The following ADAMTSL1 variants were observed in gnomAD, a reference collection of about 807,000 sequenced individuals.
The protein encoded by ADAMTSL1 is ADAMTS-like protein 1.
A neutral mutation model predicts 201.8 loss-of-function variants in ADAMTSL1; 126 were observed. The ratio of observed to expected loss-of-function variants is 0.62; its 90% confidence interval spans 0.54 to 0.72. ADAMTSL1 has a LOEUF of 0.72. Ranked by LOEUF, ADAMTSL1 falls within the 30% of genes least tolerant of loss-of-function variation. The pLI is 0.00. For missense variants in ADAMTSL1, 2,679 were observed against 2,277.8 expected (o/e 1.18, Z -3.59); for synonymous variants, 1,121 against 903.4 (o/e 1.24, Z -4.32).
chr9:18,580,233 T>C (rs1403747109), intron 4 of ADAMTSL1, among the ~76,000 whole-genome samples: 1 of 152,198 alleles, frequency 6.6e-6, no homozygotes, highest in Admixed American at 6.5e-5. Context: ...ATAAAATGAA[T>C]CACAGAGTTT....
intron 2 of ADAMTSL1, among the ~76,000 whole-genome samples, chr9:18,302,207 G>A (rs1833733439): frequency 6.6e-6 from 1 of 152,066 alleles, no homozygotes; most frequent in Non-Finnish European, 1.5e-5. Context: ...AAGGAAGAGG[G>A]AACTCCCCCT....
chr9:18,615,056 G>GATT (rs1186502580), intron 4 of ADAMTSL1, among the ~76,000 whole-genome samples: 1 of 152,178 alleles, frequency 6.6e-6, no homozygotes, highest in Non-Finnish European at 1.5e-5. Context: ...ATAATGAGAT[G>GATT]ATTGGTGTTT....
intron 19 of ADAMTSL1, 118 bp downstream of exon 19, chr9:18,778,024 G>A (rs780005228): frequency 1.0e-5 from 14 of 1,337,800 alleles, no homozygotes; most frequent in African/African-American, 2.9e-5. Context: ...AGCTGGCCTC[G>A]GGGACCCCAT....
intron 14 of ADAMTSL1, among the ~76,000 whole-genome samples, chr9:18,714,332 A>C (rs1281967485): frequency 1.1e-4 from 16 of 152,084 alleles, no homozygotes; most frequent in African/African-American, 3.1e-4. Flanking sequence ...GAAAGGATCA[A>C]CAAAATTGAT....
intron 1 of ADAMTSL1, among the ~76,000 whole-genome samples, chr9:17,935,842 G>A (rs1180164962): frequency 2.0e-5 from 3 of 152,132 alleles, no homozygotes; most frequent in Non-Finnish European, 2.9e-5. Flanking sequence ...CGTCTCAGTA[G>A]AGCATGCAGG....
At chr9:18,009,903 AT>A (rs1433557541) in intron 1 of ADAMTSL1, among the ~76,000 whole-genome samples, 1 of 152,028 alleles carries the variant, frequency 6.6e-6, no homozygotes, top group Non-Finnish European at 1.5e-5. Flanking sequence ...TAATTACATG[AT>A]TTTCCTTCTC....
intron 2 of ADAMTSL1, among the ~76,000 whole-genome samples, chr9:18,213,975 A>C (rs1272726692): frequency 6.6e-6 from 1 of 152,042 alleles, no homozygotes; most frequent in African/African-American, 2.4e-5. Context: ...GACCTCAGGC[A>C]ATCTACCCGC....
intron 1 of ADAMTSL1, among the ~76,000 whole-genome samples, chr9:18,057,504 T>G (rs1822248086): frequency 6.6e-6 from 1 of 152,194 alleles, no homozygotes; most frequent in South Asian, 2.1e-4. Context: ...CTTGCAAATT[T>G]CCTTACCCTA....
chr9:18,452,295 G>A (rs955099435), intron 2 of ADAMTSL1, among the ~76,000 whole-genome samples: 2 of 152,170 alleles, frequency 1.3e-5, no homozygotes, highest in African/African-American at 2.4e-5. Context: ...CACAAGGGCA[G>A]AACCTTCATG....
intron 15 of ADAMTSL1, among the ~76,000 whole-genome samples, chr9:18,725,349 G>A (rs990955187): frequency 1.6e-4 from 24 of 152,146 alleles, no homozygotes; most frequent in Admixed American, 6.5e-4. Flanking sequence ...TTTGATTGTC[G>A]GGAAAGATGG....
At chr9:18,534,689 T>C (rs1220267128) in intron 3 of ADAMTSL1, among the ~76,000 whole-genome samples, 3 of 152,226 alleles carry the variant, frequency 2.0e-5, no homozygotes, top group Admixed American at 2.0e-4. Flanking sequence ...TCCAGGCATT[T>C]TCATACATCC....
At chr9:18,379,352 C>A (rs1208575481) in intron 2 of ADAMTSL1, among the ~76,000 whole-genome samples, 3 of 152,214 alleles carry the variant, frequency 2.0e-5, no homozygotes, top group Non-Finnish European at 2.9e-5. Flanking sequence ...TGCTCTAACC[C>A]TTGCAAAAAT....
At chr9:18,555,039 C>G (rs968374948) in intron 3 of ADAMTSL1, among the ~76,000 whole-genome samples, 1 of 151,888 alleles carries the variant, frequency 6.6e-6, no homozygotes, top group African/African-American at 2.4e-5. Context: ...CTCACCTCCC[C>G]ATAACCCGTG....
In ADAMTSL1 at chr9:18,311,322, A is replaced by G. The variant is rs1369417990; in HGVS notation, c.207+147341A>G. Among the ~76,000 whole-genome samples the G allele has an allele frequency of 2.0e-5, 3 of 152,028 alleles. No homozygotes were observed. In the East Asian group the frequency reaches 5.8e-4, roughly 29 times the overall value. On this transcript the variant is annotated intron_variant, in intron 2 of 29. Transcript: ENST00000680146. ...TACCTATGTAACGTGCACATTCTGC[A>G]CAAGTATCCCAGAACTTAGGGTATA...
intron 2 of ADAMTSL1, among the ~76,000 whole-genome samples, chr9:18,313,739 A>C (rs1415318808): frequency 6.6e-6 from 1 of 152,148 alleles, no homozygotes; most frequent in East Asian, 1.9e-4. Flanking sequence ...TTCCTAGAGG[A>C]AAGTATAGGG....
intron 23 of ADAMTSL1, among the ~76,000 whole-genome samples, chr9:18,856,188 C>T (rs772445488): frequency 8.6e-5 from 13 of 151,822 alleles, no homozygotes; most frequent in South Asian, 4.2e-4. Context: ...GTATAACTGC[C>T]GAGATAAAAA....
intron 1 of ADAMTSL1, among the ~76,000 whole-genome samples, chr9:17,927,387 TATACGTACATATATAC>T (rs919642296): frequency 1.3e-5 from 2 of 152,078 alleles, no homozygotes; most frequent in African/African-American, 2.4e-5. Flanking sequence ...CATGCACACA[TATACGTACATATATAC>T]ATATGTATGT....
chr9:18,632,462 T>C (rs1414992839), intron 5 of ADAMTSL1, among the ~76,000 whole-genome samples: 1 of 152,200 alleles, frequency 6.6e-6, no homozygotes, highest in Non-Finnish European at 1.5e-5. Flanking sequence ...CGGGGTTAAA[T>C]AGAGTGAAAT....
chr9:18,031,339 T>C (rs2131606990), intron 1 of ADAMTSL1, among the ~76,000 whole-genome samples: 1 of 152,272 alleles, frequency 6.6e-6, no homozygotes, highest in East Asian at 1.9e-4. Flanking sequence ...ATTCTTTTTT[T>C]CCTTTGAAGC....
Sources: allele counts gnomAD v4.1 joint callset (sites outside exome capture counted in the v4.1 genomes callset), GRCh38; gene constraint gnomAD v4.1.1; transcripts MANE v1.5; gene names NCBI Gene and HGNC (gene_info 2026-07-23, HGNC 2026-07-21).